NAPA: variants seen among roughly 807,000 people sequenced by gnomAD.
NAPA encodes the protein alpha-soluble NSF attachment protein.
Under a neutral mutation model 48.0 loss-of-function variants are expected in NAPA, and 18 were observed. The observed-to-expected ratio is 0.38, with a 90% CI of 0.26 to 0.56. The LOEUF (loss-of-function observed/expected upper bound fraction) is 0.56, where lower values mean the gene tolerates loss of function less well. Ranked by LOEUF, NAPA falls within the 20% of genes least tolerant of loss-of-function variation. The pLI is 0.77. For missense variants in NAPA, 315 were observed against 385.0 expected, an observed-to-expected ratio of 0.82 and a Z score of 1.52; for synonymous variants, 152 against 149.9, an observed-to-expected ratio of 1.01 and a Z score of -0.10.
At chr19:47,509,149 T>C (rs985890557) in intron 1 of NAPA, among the ~76,000 whole-genome samples, 1 of 151,984 alleles carries the variant, frequency 6.6e-6, no homozygotes, top group East Asian at 1.9e-4. Context: ...GGATTAGAAA[T>C]GACACATAGT....
At position 47,494,863 on chromosome 19, in the gene NAPA, C is replaced by T. The variant is rs74843238; in HGVS notation, c.342+687G>A. Among the ~76,000 whole-genome samples, 483 of 152,238 alleles carry T rather than the reference C, an allele frequency of 3.2e-3. 1 individual carries two copies. Among genetic ancestry groups the T allele is most frequent in the African/African-American group, 0.011 (451 of 41,556 alleles). On this transcript the variant is annotated intron_variant, in intron 4 of 10. Transcript: ENST00000263354. ...TGGTCTGCATCTGTCGTTGGCAACG[C>T]GCCCTGGGGGCAGGGCAGGTGCTGA...
At chr19:47,495,786 A>C in intron 3 of NAPA, 190 bp from the exon 4 acceptor site, 1 of 607,104 alleles carries the variant, frequency 1.6e-6, no homozygotes, top group East Asian at 2.8e-5. Flanking sequence ...GCCCCAGGAA[A>C]TCTGGTGAGA....
chr19:47,491,913 G>A (rs532622154), intron 8 of NAPA, 102 bp downstream of exon 8: 173 of 1,025,658 alleles, frequency 1.7e-4, no homozygotes, highest in Middle Eastern at 1.6e-3. Flanking sequence ...GGGGCCAGAC[G>A]TGAGGGAGGA....
Position 47,493,322 on chromosome 19 carries a change from G to A in NAPA, c.420+94C>T, listed in dbSNP as rs73940861. On this transcript the variant is annotated intron_variant, in intron 5 of 10. Coordinates refer to ENST00000263354, the MANE Select transcript of NAPA (RefSeq NM_003827.4). The surrounding 1 kb of genome is among the most constrained non-coding windows in gnomAD (Gnocchi z 6.4). ...TGCCGGCGCCCCATGCCCCCTTCTC[G>A]GCACTCAGACACCAGAGGACTCCCC... 7.2e-4 allele frequency: 1,096 copies of A among 1,519,216 alleles called. 4 individuals are homozygous for A. In the African/African-American group the frequency reaches 0.011, roughly 15 times the overall value. 94.1% of individuals were successfully genotyped at this position (1,519,216 alleles called of 1,614,324 possible). A position where few individuals can be genotyped will look rare whatever the true frequency, so the allele number is the denominator to read the frequency against.
intron 1 of NAPA, among the ~76,000 whole-genome samples, chr19:47,504,530 T>C (rs2122767528): frequency 6.6e-6 from 1 of 152,120 alleles, no homozygotes; most frequent in Middle Eastern, 3.4e-3. Flanking sequence ...AGGTGAAGCC[T>C]GCAGAAGGAG....
At chr19:47,497,223 G>A (rs1329116849) in intron 3 of NAPA, 2 of 178,566 alleles carry the variant, frequency 1.1e-5, no homozygotes, top group African/African-American at 2.4e-5. Flanking sequence ...TCTCCTGGCC[G>A]GAACACCCAG....
intron 1 of NAPA, chr19:47,505,191 A>C (rs1309946283): frequency 6.6e-6 from 1 of 152,170 alleles, no homozygotes; most frequent in Non-Finnish European, 1.5e-5. Flanking sequence ...AGTCCCACCA[A>C]ATGGATTTCA....
chr19:47,504,580 G>A (rs1476718438), intron 1 of NAPA, among the ~76,000 whole-genome samples: 3 of 151,718 alleles, frequency 2.0e-5, no homozygotes, highest in African/African-American at 4.9e-5. Context: ...TGGACATCCC[G>A]TATTTGTACT....
intron 2 of NAPA, 52 bp from the exon 3 acceptor site, chr19:47,500,801 T>C: frequency 7.1e-7 from 1 of 1,402,706 alleles, no homozygotes; most frequent in South Asian, 1.3e-5. Flanking sequence ...CCACACTTTA[T>C]GAAGCCACAG....
chr19:47,489,417 G>C (rs1968179164), intron 10 of NAPA: 2 of 465,868 alleles, frequency 4.3e-6, no homozygotes, highest in East Asian at 6.8e-5. Context: ...AGGAACCCTG[G>C]TCTTCAGAGG....
intron 1 of NAPA, among the ~76,000 whole-genome samples, chr19:47,511,042 C>T (rs1242992546): frequency 6.6e-6 from 1 of 152,224 alleles, no homozygotes; most frequent in Non-Finnish European, 1.5e-5. Context: ...AGACACCCAT[C>T]GCCTTGCGTC....
chr19:47,491,892 G>T (rs1052216126), intron 8 of NAPA, 123 bp downstream of exon 8: 5 of 824,514 alleles, frequency 6.1e-6, no homozygotes, highest in Admixed American at 2.2e-5. Flanking sequence ...TCATCCAAAG[G>T]CTGGCTGGCA....
At chr19:47,487,457 C>T (rs1217430192), downstream of NAPA, among the ~76,000 whole-genome samples, 1 of 152,140 alleles carries the variant, frequency 6.6e-6, no homozygotes, top group African/African-American at 2.4e-5. Flanking sequence ...AGCTCCTCCC[C>T]AGGCCCACCG....
At chr19:47,486,341 C>T (rs565766554), downstream of NAPA, among the ~76,000 whole-genome samples, 4 of 151,880 alleles carry the variant, frequency 2.6e-5, no homozygotes, top group East Asian at 1.9e-4. Flanking sequence ...GGCGATAGAG[C>T]GAGACTCTGT....
At chr19:47,494,758 AGAGAG>A (rs1333656289) in intron 4 of NAPA, among the ~76,000 whole-genome samples, 1 of 124,124 alleles carries the variant, frequency 8.1e-6, no homozygotes, top group African/African-American at 2.9e-5. Context: ...AAAAAAAAAA[AGAGAG>A]AGAGAGAAAG....
rs536121046 is a variant in NAPA, at chr19:47,507,931, C to T, written c.99-4429G>A. Among the ~76,000 whole-genome samples the T allele has an allele frequency of 2.6e-5, 4 of 152,282 alleles. No individual in the cohort carries two copies. In the South Asian group the frequency reaches 8.3e-4, roughly 32 times the overall value. On this transcript the variant is annotated intron_variant, in intron 1 of 10. Coordinates refer to ENST00000263354, the MANE Select transcript of NAPA (RefSeq NM_003827.4). ...CCCTGGGGATCCAGTCCTGCCCTTG[C>T]CTCTCACTCAGTGATCAGGAAGGCT... is the stretch of plus-strand genomic sequence containing the variant.
intron 9 of NAPA, 71 bp downstream of exon 9, chr19:47,490,717 G>A: frequency 7.6e-7 from 1 of 1,321,716 alleles, no homozygotes; most frequent in Non-Finnish European, 1.1e-6. Context: ...CTTGGCGATT[G>A]TCCCACCTGG....
rs1338980603 is a variant in NAPA at position 47,489,559 on chromosome 19, A to T, written c.786+152T>A. 5 of 835,070 alleles carry T rather than the reference A, an allele frequency of 6.0e-6. No individual in the cohort carries two copies. The African/African-American group carries it at 6.8e-5, about 11-fold the overall frequency. 51.7% of individuals were successfully genotyped at this position (835,070 alleles called of 1,614,324 possible). A position where few individuals can be genotyped will look rare whatever the true frequency, so the allele number is the denominator to read the frequency against. ...CCCTGCGCCTCTTGGCGCTACTTGT[A>T]AGGTTTCTGGGGTGACTGGAGAAAG... On this transcript the variant is annotated intron_variant, in intron 10 of 10. Coordinates refer to ENST00000263354, the MANE Select transcript of NAPA (RefSeq NM_003827.4).
chr19:47,504,104 G>C (rs997610764), intron 1 of NAPA, among the ~76,000 whole-genome samples: 2 of 152,014 alleles, frequency 1.3e-5, no homozygotes, highest in African/African-American at 4.8e-5. Context: ...AAAAAAAAGA[G>C]GGTGGGCTGG....
Sources: gnomAD v4.1 joint callset for allele counts (sites outside exome capture counted in the v4.1 genomes callset) on GRCh38, gnomAD v4.1.1 for gene constraint, Gnocchi (gnomAD v3.1) non-coding constraint, MANE v1.5 for transcripts, NCBI Gene and HGNC (gene_info 2026-07-23, HGNC 2026-07-21) for gene names.